Variants in CELF2 observed in about 807,000 individuals in gnomAD.
CELF2 encodes CUGBP Elav-like family member 2.
A neutral mutation model predicts 62.6 loss-of-function variants in CELF2; 8 were observed. The observed-to-expected ratio is 0.13, with a 90% CI of 0.07 to 0.23. The LOEUF (loss-of-function observed/expected upper bound fraction) is 0.23, where lower values mean the gene tolerates loss of function less well. Ranked by LOEUF, CELF2 falls within the 10% of genes least tolerant of loss-of-function variation. CELF2 has a pLI of 1.00. For synonymous variants in CELF2, 258 were observed against 250.0 expected, an observed-to-expected ratio of 1.03 and a Z score of -0.30; for missense variants, 333 against 671.0, an observed-to-expected ratio of 0.50 and a Z score of 5.56.
chr10:11,228,718 CAAAAAAAAAAA>C lies in CELF2; in HGVS notation c.354+11228_354+11238del, dbSNP rs56167230. ...TCACAACCCCCACCCGCGCCCCTCG[CAAAAAAAAAAA>C]AAAAAAAAAAAAAAAACTTGGAACC... On this transcript the variant is annotated intron_variant, in intron 3 of 12. Coordinates refer to ENST00000633077, the MANE Select transcript of CELF2 (RefSeq NM_001326342.2). Among the ~76,000 whole-genome samples the C allele has an allele frequency of 9.6e-3, 1,294 of 134,990 alleles. 45 individuals carry two copies. The highest frequency in any genetic ancestry group is 0.09 in the South Asian group (383 of 4,238). 88.6% of individuals were successfully genotyped at this position (134,990 alleles called of 152,430 possible). A position where few individuals can be genotyped will look rare whatever the true frequency, so the allele number is the denominator to read the frequency against.
At chr10:10,572,421 C>T in the CELF2 span, among the ~76,000 whole-genome samples, 1 of 151,870 alleles carries the variant, frequency 6.6e-6, no homozygotes, top group Non-Finnish European at 1.5e-5. Context: ...AAACGTGTGC[C>T]ATGGTGGTTT....
At chr10:10,991,222 A>G (rs1325079267) in intron 2 of CELF2, among the ~76,000 whole-genome samples, 1 of 152,290 alleles carries the variant, frequency 6.6e-6, no homozygotes, top group East Asian at 1.9e-4. Context: ...TTGGGTGTGC[A>G]TGTGTGCACA....
rs1171429873 is a variant in CELF2 at position 11,157,944 on chromosome 10, C to T, written c.75-7542C>T. On this transcript the variant is annotated intron_variant, in intron 1 of 12. Transcript: ENST00000633077. This position sits in a 1 kb window ranked among gnomAD's most constrained non-coding sequence, Gnocchi z 4.9. ...AGGGAATCAGATGTCGTGTGTCTTT[C>T]GTTTGCCCCCCTTGATGTGGGTCCC... is the stretch of plus-strand genomic sequence containing the variant. Among the ~76,000 whole-genome samples, 1 of 152,206 alleles carries T rather than the reference C, an allele frequency of 6.6e-6. No individual in the cohort carries two copies. Among genetic ancestry groups the T allele is most frequent in the African/African-American group, 2.4e-5 (1 of 41,444 alleles).
At chr10:11,050,842 T>G (rs1313611094) in intron 1 of CELF2, among the ~76,000 whole-genome samples, 2 of 152,206 alleles carry the variant, frequency 1.3e-5, no homozygotes, top group Non-Finnish European at 2.9e-5. Flanking sequence ...CTCTGCAGAT[T>G]ATGCTTGAGC....
At chr10:11,101,110 G>C (rs1317086708) in intron 1 of CELF2, among the ~76,000 whole-genome samples, 2 of 152,180 alleles carry the variant, frequency 1.3e-5, no homozygotes, top group African/African-American at 4.8e-5. Flanking sequence ...TGGATATGGA[G>C]GGTGAGAGAT....
chr10:11,202,943 C>CTG (rs2059591937), intron 2 of CELF2, among the ~76,000 whole-genome samples: 1 of 79,278 alleles, frequency 1.3e-5, no homozygotes, highest in African/African-American at 5.5e-5. Context: ...CTCTCTCTCT[C>CTG]TCTCTCTCTG....
In CELF2 at chr10:10,880,671, C is replaced by G. The variant is rs140765806; in HGVS notation, c.54-39293C>G. The stretch of plus-strand genomic sequence containing the variant: ...ACTGGGAAACACCAAAAGGAAGGAC[C>G]AAGCAACTAGGCCAAAGCCAGCAGA... On this transcript the variant is annotated intron_variant, in intron 1 of 13. Coordinates refer to the CELF2 transcript ENST00000636488. Among the ~76,000 whole-genome samples the G allele has an allele frequency of 3.5e-3, 531 of 152,240 alleles. 3 individuals are homozygous for G. Among genetic ancestry groups the G allele is most frequent in the African/African-American group, 0.012 (507 of 41,554 alleles).
At chr10:10,940,388 A>G (rs1454189177) in intron 2 of CELF2, among the ~76,000 whole-genome samples, 1 of 152,230 alleles carries the variant, frequency 6.6e-6, no homozygotes, top group African/African-American at 2.4e-5. Context: ...GTCCCACAAA[A>G]GCAGCTAACT....
the CELF2 span, among the ~76,000 whole-genome samples, chr10:10,682,092 A>G: frequency 1.3e-5 from 2 of 152,208 alleles, no homozygotes; most frequent in Non-Finnish European, 2.9e-5. Flanking sequence ...TTCAATTGAT[A>G]TGGTAAAATA....
intron 3 of CELF2, among the ~76,000 whole-genome samples, chr10:11,232,046 G>A (rs1271764186): frequency 6.6e-6 from 1 of 151,990 alleles, no homozygotes; most frequent in Non-Finnish European, 1.5e-5. Context: ...CAACGTGCAG[G>A]TTTGTTACTT....
At chr10:11,208,741 C>T (rs952924184) in intron 2 of CELF2, among the ~76,000 whole-genome samples, 2 of 152,106 alleles carry the variant, frequency 1.3e-5, no homozygotes, top group African/African-American at 4.8e-5. Context: ...GTTTCTGTGA[C>T]CTGCTATGAG....
chr10:10,696,953 C>A, the CELF2 span, among the ~76,000 whole-genome samples: 1 of 152,206 alleles, frequency 6.6e-6, no homozygotes, highest in Non-Finnish European at 1.5e-5. Flanking sequence ...CTGCGTCGCT[C>A]ACGCTGGGAG....
intron 8 of CELF2, among the ~76,000 whole-genome samples, chr10:11,277,905 T>TA (rs2139043981): frequency 6.6e-6 from 1 of 152,292 alleles, no homozygotes; most frequent in South Asian, 2.1e-4. Context: ...CATTGACAGA[T>TA]ATATATAAAA....
Position 11,329,863 on chromosome 10 carries a change from A to C in CELF2, c.*810A>C. ...AAATAAATACATAAATACATAAATA[A>C]AAAAGAAAGCCACAGGCCTGTAAAT... is the stretch of plus-strand genomic sequence containing the variant. On this transcript the variant is annotated 3_prime_UTR_variant, in exon 13 of 13. Transcript: ENST00000633077. This position sits in a 1 kb window ranked among gnomAD's most constrained non-coding sequence, Gnocchi z 5.5. 1 of 150,786 alleles carries C rather than the reference A, an allele frequency of 6.6e-6. No individual in the cohort carries two copies. The highest frequency in any genetic ancestry group is 1.9e-4 in the East Asian group (1 of 5,186). The allele number at this position is 150,786 out of a possible 1,614,324, so 9.3% of individuals were successfully genotyped here.
the CELF2 span, among the ~76,000 whole-genome samples, chr10:10,538,695 G>C: frequency 2.6e-5 from 4 of 152,262 alleles, no homozygotes; most frequent in Middle Eastern, 3.4e-3. Flanking sequence ...ATTGAGACTG[G>C]AATAACGTTG....
intron 1 of CELF2, among the ~76,000 whole-genome samples, chr10:10,883,349 G>C (rs1194309067): frequency 6.6e-6 from 1 of 152,188 alleles, no homozygotes; most frequent in African/African-American, 2.4e-5. Context: ...AATAAAATTT[G>C]AGAAGTACAG....
chr10:10,638,636 G>T, the CELF2 span, among the ~76,000 whole-genome samples: 1 of 152,204 alleles, frequency 6.6e-6, no homozygotes, highest in African/African-American at 2.4e-5. Flanking sequence ...TGTTTTAGAT[G>T]TGGGTGCTTA....
intron 1 of CELF2, among the ~76,000 whole-genome samples, chr10:11,120,472 C>T (rs1367727735): frequency 6.6e-5 from 10 of 152,150 alleles, no homozygotes; most frequent in African/African-American, 2.2e-4. Flanking sequence ...CATAAGATTT[C>T]AAGCTTGCTT....
In CELF2 at chr10:11,171,567, A is replaced by G. The variant is rs530020822; in HGVS notation, c.271+5885A>G. Among the ~76,000 whole-genome samples the G allele has an allele frequency of 1.0e-3, 156 of 152,346 alleles. 1 individual carries two copies. The highest frequency in any genetic ancestry group is 3.2e-3 in the African/African-American group (133 of 41,582). On this transcript the variant is annotated intron_variant, in intron 2 of 12. Coordinates refer to ENST00000633077, the MANE Select transcript of CELF2 (RefSeq NM_001326342.2). ...GAACAGAAGCATAAAGACACCAAAG[A>G]CTAACTTTACTTATTTCAGAATTGG...
Sources: allele counts gnomAD v4.1 joint callset (sites outside exome capture counted in the v4.1 genomes callset), GRCh38; gene constraint gnomAD v4.1.1; non-coding constraint Gnocchi (gnomAD v3.1); transcripts MANE v1.5; gene names NCBI Gene and HGNC (gene_info 2026-07-23, HGNC 2026-07-21).